TRAPPC9: variants seen among roughly 807,000 people sequenced by gnomAD.
The protein encoded by TRAPPC9 is trafficking protein particle complex subunit 9, also known as IKK2 binding protein.
In TRAPPC9, 83 loss-of-function variants were observed where a neutral mutation model predicts 124.0. The observed-to-expected ratio is 0.67, with a 90% CI of 0.56 to 0.80. The LOEUF is 0.80. Ranked by LOEUF, TRAPPC9 falls within the 30% of genes least tolerant of loss-of-function variation. The pLI, the probability that TRAPPC9 is intolerant of heterozygous loss-of-function variation, is 0.00. For missense variants in TRAPPC9, 1,302 were observed against 1,508.3 expected, an observed-to-expected ratio of 0.86 and a Z score of 2.27; for synonymous variants, 638 against 617.5, an observed-to-expected ratio of 1.03 and a Z score of -0.49.
chr8:140,077,388 G>T (rs878865340), intron 17 of TRAPPC9, among the ~76,000 whole-genome samples: 1 of 152,078 alleles, frequency 6.6e-6, no homozygotes, highest in Admixed American at 6.6e-5. Flanking sequence ...TAGTGGAAAA[G>T]AATAAAAAAT....
intron 17 of TRAPPC9, among the ~76,000 whole-genome samples, chr8:140,035,431 C>T (rs963733363): frequency 6.6e-6 from 1 of 152,130 alleles, no homozygotes; most frequent in Admixed American, 6.6e-5. Context: ...TGATGGGGAC[C>T]CCCAGCAAAG....
chr8:139,996,176 A>AAAAAAAAAAAAAAG (rs1563675087), intron 18 of TRAPPC9, among the ~76,000 whole-genome samples: 4 of 144,910 alleles, frequency 2.8e-5, no homozygotes, highest in Non-Finnish European at 6.1e-5. Context: ...AAAAAAAAAA[A>AAAAAAAAAAAAAAG]AAAAAAGAAA....
intron 21 of TRAPPC9, among the ~76,000 whole-genome samples, chr8:139,882,654 G>C (rs9644518): frequency 3.3e-5 from 5 of 151,986 alleles, no homozygotes; most frequent in Admixed American, 6.5e-5. Context: ...GTCAGCACAG[G>C]GGGTAGGAGG....
intron 7 of TRAPPC9, among the ~76,000 whole-genome samples, chr8:140,381,763 T>C (rs1448854600): frequency 2.0e-5 from 3 of 151,184 alleles, no homozygotes; most frequent in Non-Finnish European, 4.4e-5. Context: ...GAGACATCAC[T>C]TCACACCCAC....
intron 16 of TRAPPC9, among the ~76,000 whole-genome samples, chr8:140,249,440 C>G (rs2064072622): frequency 6.6e-6 from 1 of 152,050 alleles, no homozygotes; most frequent in Admixed American, 6.6e-5. Flanking sequence ...CTGATGGCCA[C>G]TTAGGTCGAT....
At chr8:139,954,539 G>C (rs980472255) in intron 19 of TRAPPC9, among the ~76,000 whole-genome samples, 1 of 152,200 alleles carries the variant, frequency 6.6e-6, no homozygotes, top group Non-Finnish European at 1.5e-5. Flanking sequence ...CACCCAGTCT[G>C]TGGTACTTTG....
intron 9 of TRAPPC9, among the ~76,000 whole-genome samples, chr8:140,323,766 C>CA (rs2066661800): frequency 6.6e-6 from 1 of 152,030 alleles, no homozygotes; most frequent in Non-Finnish European, 1.5e-5. Context: ...AGGAAAAAAA[C>CA]AGATATGACA....
rs561404564 is a variant in TRAPPC9, at chr8:140,056,811, A to G, written c.2557-32732T>C. ...GGCAACAAAAGCAAAACCAGACAAA[A>G]TGAACTATACCAAACTAAAACGCTT... is the stretch of plus-strand genomic sequence containing the variant. On this transcript the variant is annotated intron_variant, in intron 17 of 22. Transcript: ENST00000438773. 1.8e-4 allele frequency among the ~76,000 whole-genome samples: 27 copies of G among 152,280 alleles called. No homozygotes were observed. The East Asian group carries it at 4.6e-3, about 26-fold the overall frequency.
chr8:140,444,271 T>C (rs2132661743), intron 2 of TRAPPC9, among the ~76,000 whole-genome samples: 1 of 148,766 alleles, frequency 6.7e-6, no homozygotes, highest in East Asian at 2.0e-4. Flanking sequence ...CATAAGAGGG[T>C]TTTGTTTTGT....
intron 2 of TRAPPC9, among the ~76,000 whole-genome samples, chr8:140,443,478 C>T (rs955414308): frequency 6.6e-6 from 1 of 151,760 alleles, no homozygotes; most frequent in Non-Finnish European, 1.5e-5. Flanking sequence ...ATAATGGCTA[C>T]AGCCCATAAT....
intron 17 of TRAPPC9, among the ~76,000 whole-genome samples, chr8:140,041,901 G>A (rs536661271): frequency 1.3e-5 from 2 of 152,236 alleles, no homozygotes; most frequent in Non-Finnish European, 2.9e-5. Context: ...GAACCCAGGG[G>A]TGGAGGTTGC....
At chr8:139,913,511 TAA>T (rs138269852) in intron 19 of TRAPPC9, among the ~76,000 whole-genome samples, 3 of 152,312 alleles carry the variant, frequency 2.0e-5, no homozygotes, top group East Asian at 3.9e-4. Flanking sequence ...GCAGGACACC[TAA>T]AGAGAGACCA....
chr8:140,399,262 C>T (rs2069185085), intron 6 of TRAPPC9, among the ~76,000 whole-genome samples: 1 of 152,262 alleles, frequency 6.6e-6, no homozygotes, highest in South Asian at 2.1e-4. Context: ...CACACAGAGT[C>T]CCTACTGGGG....
intron 21 of TRAPPC9, among the ~76,000 whole-genome samples, chr8:139,816,491 C>G (rs577564724): frequency 1.3e-5 from 2 of 152,120 alleles, no homozygotes; most frequent in East Asian, 3.9e-4. Context: ...AGGGGGCTGC[C>G]CCCATCTCAG....
chr8:140,148,658 T>C (rs7012176), intron 17 of TRAPPC9, among the ~76,000 whole-genome samples: 86,863 of 152,100 alleles, frequency 0.57, 26,954 homozygotes, highest in African/African-American at 0.83. Context: ...AGCTTCCCCC[T>C]AGAAAGCTTT....
At chr8:139,915,593 G>A (rs898130907) in intron 19 of TRAPPC9, among the ~76,000 whole-genome samples, 19 of 152,162 alleles carry the variant, frequency 1.2e-4, no homozygotes, top group South Asian at 8.3e-4. Flanking sequence ...AGGACAAGGC[G>A]TATTACCCGC....
chr8:140,382,880 C>A (rs886813470), intron 7 of TRAPPC9, among the ~76,000 whole-genome samples: 8 of 152,010 alleles, frequency 5.3e-5, no homozygotes, highest in Non-Finnish European at 1.2e-4. Flanking sequence ...GTCCCTGACC[C>A]CCAAGTAGCC....
intron 2 of TRAPPC9, among the ~76,000 whole-genome samples, chr8:140,441,709 C>T (rs1250760482): frequency 6.6e-6 from 1 of 152,094 alleles, no homozygotes; most frequent in Non-Finnish European, 1.5e-5. Context: ...GGACTACAGG[C>T]ACACAACCCC....
At position 140,353,813 on chromosome 8, in the gene TRAPPC9, T is replaced by A. The variant is rs2067657225; in HGVS notation, c.1495+6237A>T. Among the ~76,000 whole-genome samples the A allele has an allele frequency of 6.6e-6, 1 of 152,196 alleles. No individual in the cohort carries two copies. The highest frequency in any genetic ancestry group is 1.5e-5 in the Non-Finnish European group (1 of 68,044). ...AGACATCATTCATTCAGCCGGCATT[T>A]AAGGACCCGTAAGGTACCAGGTGCT... On this transcript the variant is annotated intron_variant, in intron 9 of 22. Coordinates refer to ENST00000438773, the MANE Select transcript of TRAPPC9 (RefSeq NM_001160372.4). This position sits in a 1 kb window ranked among gnomAD's most constrained non-coding sequence, Gnocchi z 4.2.
Sources: allele counts gnomAD v4.1 joint callset (sites outside exome capture counted in the v4.1 genomes callset), GRCh38; gene constraint gnomAD v4.1.1; non-coding constraint Gnocchi (gnomAD v3.1); transcripts MANE v1.5; gene names NCBI Gene and HGNC (gene_info 2026-07-23, HGNC 2026-07-21).